MED12: variants seen among roughly 807,000 people sequenced by gnomAD.
The protein encoded by MED12 is mediator of RNA polymerase II transcription subunit 12.
In MED12, 10 loss-of-function variants were observed where a neutral mutation model predicts 177.7. That is an observed-to-expected ratio of 0.06 (90% confidence interval 0.03 to 0.10). MED12 has a LOEUF of 0.10. MED12 is among the 10% of genes least tolerant of loss of function. The pLI, the probability that MED12 is intolerant of heterozygous loss-of-function variation, is 1.00. For missense variants in MED12, 867 were observed against 1,780.8 expected, an observed-to-expected ratio of 0.49 and a Z score of 9.23; for synonymous variants, 641 against 678.4, an observed-to-expected ratio of 0.94 and a Z score of 0.86.
At chrX:71,123,375 C>T (rs2092294634) in intron 11 of MED12, 149 bp downstream of exon 11, 6 of 880,166 alleles carry the variant, frequency 6.8e-6, no homozygotes, top group South Asian at 4.4e-5. Flanking sequence ...GGCAAAGTTA[C>T]GGACGTGAGG....
chrX:71,122,976 A>G (rs1026013645), intron 10 of MED12, 102 bp downstream of exon 10: 2 of 1,151,268 alleles, frequency 1.7e-6, no homozygotes, highest in African/African-American at 3.6e-5. Flanking sequence ...GCATATCTGC[A>G]GAAATGATCT....
chrX:71,122,461 T>C (rs369016243), intron 8 of MED12, 47 bp from the exon 9 acceptor site: 16 of 1,188,539 alleles, frequency 1.3e-5, no homozygotes, highest in East Asian at 8.9e-5. Context: ...CTCTGGCCTT[T>C]TATATGCCTT....
intron 41 of MED12, among the ~76,000 whole-genome samples, chrX:71,138,877 A>C (rs1024230746): frequency 2.7e-5 from 3 of 111,966 alleles, no homozygotes; most frequent in African/African-American, 9.7e-5. Flanking sequence ...CAGGATGGAC[A>C]AATGAATGAA....
In MED12 at chrX:71,130,188, C is replaced by T. The variant is rs777250096; in HGVS notation, c.4021C>T (p.Arg1341Trp). 24 of 1,207,320 alleles carry T rather than the reference C, an allele frequency of 2.0e-5. No homozygotes were observed. Among genetic ancestry groups the T allele is most frequent in the South Asian group, 7.1e-5 (4 of 56,202 alleles). Reference protein sequence around the residue: ...LDNEDGENPQRQRIKRILQNL... With the variant: ...LDNEDGENPQWQRIKRILQNL... ...CAATGAGGATGGGGAAAACCCCCAG[C>T]GGCAGCGCATAAAGCGCATTCTCCA... Residue 1341 changes from arginine to tryptophan, a missense_variant, in exon 28 of 45, where the codon CGG (arginine) becomes TGG (tryptophan). Physicochemically the swap from Arg to Trp is moderately radical, Grantham distance 101. This residue lies in a region of MED12 where 46 missense variants were observed against 71.7 expected (regional missense o/e 0.64). Coordinates refer to ENST00000374080, the MANE Select transcript of MED12 (RefSeq NM_005120.3).
Position 71,128,333 on chromosome X carries a change from G to T in MED12, c.3247G>T (p.Gly1083Cys). ...DIAILCAELT[G>C]YCKSLSAEWL... Reference sequence around the variant, plus strand: ...CGCAATCCTGTGTGCAGAGCTGACCGGCTATTGCAAGTCACTGAGTGCAGA... The same window carrying T: ...CGCAATCCTGTGTGCAGAGCTGACCTGCTATTGCAAGTCACTGAGTGCAGA... The change falls in exon 23 of 45, where the codon GGC (glycine) becomes TGC (cysteine). Residue 1083 changes from glycine (G) to cysteine (C), a missense_variant. Coordinates refer to ENST00000374080, the MANE Select transcript of MED12 (RefSeq NM_005120.3). 1 of 1,211,771 alleles carries T rather than the reference G, an allele frequency of 8.3e-7. No homozygotes were observed. The highest frequency in any genetic ancestry group is 2.2e-5 in the Admixed American group (1 of 46,073).
chrX:71,134,687 G>T lies in MED12; in HGVS notation c.4728-26G>T, dbSNP rs774104225. On this transcript the variant is annotated intron_variant, in intron 34 of 44. Transcript: ENST00000374080. ...TCTATCTTCACCTCTTTCTTCTTTG[G>T]TTTTCTCTCTGGCTTCCTGTCTCAG... 4.1e-6 allele frequency: 5 copies of T among 1,210,019 alleles called. No homozygotes were observed. In the East Asian group the frequency reaches 1.5e-4, roughly 36 times the overall value.
At chrX:71,122,075 A>G (rs2092290891) in intron 7 of MED12, 125 bp from the exon 8 acceptor site, 1 of 950,781 alleles carries the variant, frequency 1.1e-6, no homozygotes, top group African/African-American at 1.9e-5. Context: ...GGGTGGAGTG[A>G]TGCCTGTCTT....
rs773540568 is a variant in MED12 at position 71,136,920 on chromosome X, G to C, written c.5442G>C (p.Val1814=). The change falls in exon 38 of 45, where the codon GTG becomes GTC. Residue 1814 remains valine (V), a synonymous_variant. Coordinates refer to ENST00000374080, the MANE Select transcript of MED12 (RefSeq NM_005120.3). Reference sequence around the variant, plus strand: ...CGGGTCGGAGCGGCCCTTATGGTGTGACAGTGCCTCCGGACCTCCTGCACC... The same window carrying C: ...CGGGTCGGAGCGGCCCTTATGGTGTCACAGTGCCTCCGGACCTCCTGCACC... The part of the protein sequence containing the change: ...MGPGRSGPYG[V]TVPPDLLHHP... The C allele has an allele frequency of 7.3e-5, 88 of 1,208,462 alleles. No individual in the cohort carries two copies. Among genetic ancestry groups the C allele is most frequent in the Non-Finnish European group, 9.5e-5 (85 of 894,951 alleles).
Position 71,121,754 on chromosome X carries a change from A to G in MED12, c.1039A>G (p.Ser347Gly), listed in dbSNP as rs752300879. 2.0e-4 allele frequency: 243 copies of G among 1,209,512 alleles called. No homozygotes were observed. The highest frequency in any genetic ancestry group is 2.7e-4 in the Non-Finnish European group (239 of 895,026). The stretch of plus-strand genomic sequence containing the variant: ...TAGCAGCACACCCTCGACTCCCTTT[A>G]GTGACCTGCTTATGTGCCCTCAGCA... Reference protein sequence around the residue: ...PTSSTPSTPFSDLLMCPQHRP... With the variant: ...PTSSTPSTPFGDLLMCPQHRP... Residue 347 changes from serine (S) to glycine (G), a missense_variant, in exon 7 of 45, where the codon AGT becomes GGT. This residue lies in a region of MED12 where 309 missense variants were observed against 556.3 expected (regional missense o/e 0.56). Transcript: ENST00000374080.
chrX:71,132,808 C>G lies in MED12; in HGVS notation c.4416-37C>G, dbSNP rs368999553. Reference sequence around the variant, plus strand: ...CTCTTCTCTTCTCTTCTCTTCTCTTCTCTTCTCTTCTCTTCTCTTCTTTCT... The same window carrying G: ...CTCTTCTCTTCTCTTCTCTTCTCTTGTCTTCTCTTCTCTTCTCTTCTTTCT... On this transcript the variant is annotated intron_variant, in intron 31 of 44. Transcript: ENST00000374080. 1.9e-3 allele frequency: 1,128 copies of G among 609,079 alleles called. No individual in the cohort carries two copies. Among genetic ancestry groups the G allele is most frequent in the Non-Finnish European group, 2.7e-3 (1,061 of 399,261 alleles). The allele number at this position is 609,079 out of a possible 1,213,427, so 50.2% of individuals were successfully genotyped here.
chrX:71,126,118 C>G lies in MED12; in HGVS notation c.2505C>G (p.His835Gln). Residue 835 changes from histidine (H) to glutamine (Q), a missense_variant, in exon 18 of 45, where the codon CAC (histidine) becomes CAG (glutamine). Physicochemically the swap from His to Gln is conservative, Grantham distance 24. Around this residue, in one of 14 missense-constraint regions of MED12, gnomAD observed 309 missense variants for 556.3 expected, o/e 0.56. Transcript: ENST00000374080. ...TAEDIFAKFQ[H>Q]LSHYDQHQVT... ...AAGATATCTTTGCTAAGTTCCAGCA[C>G]CTTTCACATTATGACCAACACCAGG... is the stretch of plus-strand genomic sequence containing the variant. 2 of 1,211,123 alleles carry G rather than the reference C, an allele frequency of 1.7e-6. No homozygotes were observed. The highest frequency in any genetic ancestry group is 2.2e-6 in the Non-Finnish European group (2 of 894,683).
chrX:71,141,514 C>T (rs1242889499), intron 43 of MED12, 144 bp downstream of exon 43: 18 of 820,211 alleles, frequency 2.2e-5, no homozygotes, highest in Middle Eastern at 4.2e-4. Context: ...GGAGGCCAGG[C>T]GCAGTGGCTC....
At chrX:71,131,472 C>T in intron 28 of MED12, 78 bp from the exon 29 acceptor site, 1 of 975,642 alleles carries the variant, frequency 1.0e-6, no homozygotes, top group Non-Finnish European at 1.5e-6. Flanking sequence ...TGCAGGAGAT[C>T]AGGAATTGGC....
At chrX:71,138,458 C>T (rs1322691306) in intron 41 of MED12, among the ~76,000 whole-genome samples, 1 of 111,095 alleles carries the variant, frequency 9.0e-6, no homozygotes, top group African/African-American at 3.3e-5. Flanking sequence ...TCCCAAGTAG[C>T]TAGAACTACA....
At chrX:71,131,666 T>C in intron 29 of MED12, 45 bp downstream of exon 29, 1 of 1,162,691 alleles carries the variant, frequency 8.6e-7, no homozygotes, top group East Asian at 3.0e-5. Flanking sequence ...CACGTTCAGC[T>C]CCATGTGTCA....
intron 28 of MED12, 32 bp downstream of exon 28, chrX:71,130,246 G>A (rs2147809036): frequency 3.4e-6 from 4 of 1,174,404 alleles, no homozygotes; most frequent in Non-Finnish European, 3.5e-6. Flanking sequence ...TGTGGAGGAA[G>A]CAGTGGGCCC....
At position 71,129,380 on chromosome X, in the gene MED12, C is replaced by T. The variant is rs2147805884; in HGVS notation, c.3642C>T (p.Arg1214=). ...ACCTGCTGGCTGCCTCCCAGAACCGCATCGTGGATGGAGCCGTGTTTGCTG... is the reference window on the plus strand; with the variant it reads ...ACCTGCTGGCTGCCTCCCAGAACCGTATCGTGGATGGAGCCGTGTTTGCTG... The part of the protein sequence containing the change: ...DRHLLAASQN[R]IVDGAVFAVL... The change falls in exon 26 of 45, where the codon CGC becomes CGT. Residue 1214 remains arginine (R), a synonymous_variant. Coordinates refer to ENST00000374080, the MANE Select transcript of MED12 (RefSeq NM_005120.3). 8.3e-7 allele frequency: 1 copy of T among 1,210,259 alleles called. No individual in the cohort carries two copies. The highest frequency in any genetic ancestry group is 1.1e-6 in the Non-Finnish European group (1 of 894,028).
rs370195616 is a variant in MED12 at position 71,125,140 on chromosome X, C to T, written c.2220C>T (p.Ile740=). The T allele has an allele frequency of 4.1e-5, 50 of 1,208,270 alleles. No individual in the cohort carries two copies. The highest frequency in any genetic ancestry group is 5.1e-5 in the Non-Finnish European group (46 of 894,484). Residue 740 remains isoleucine (I), a synonymous_variant, in exon 15 of 45, where the codon ATC becomes ATT. Transcript: ENST00000374080. ...RHVQYATHFP[I]PQEESCSHEC... ...TGCAGTACGCCACCCATTTTCCCAT[C>T]CCCCAGGTACTATTCCCCAGCACCT...
chrX:71,126,149 G>T lies in MED12; in HGVS notation c.2536G>T (p.Ala846Ser). 1 of 1,200,357 alleles carries T rather than the reference G, an allele frequency of 8.3e-7. No homozygotes were observed. Among genetic ancestry groups the T allele is most frequent in the South Asian group, 1.8e-5 (1 of 56,733 alleles). Residue 846 changes from alanine to serine, a missense_variant, in exon 18 of 45, where the codon GCT (alanine) becomes TCT (serine). Physicochemically the swap from Ala to Ser is moderately conservative, Grantham distance 99. Around this residue, in one of 14 missense-constraint regions of MED12, gnomAD observed 309 missense variants for 556.3 expected, o/e 0.56. Coordinates refer to ENST00000374080, the MANE Select transcript of MED12 (RefSeq NM_005120.3). ...ACATTATGACCAACACCAGGTCACGGCTCAGGTGTGGGCCTAAGCCCAGCC... is the reference window on the plus strand; with the variant it reads ...ACATTATGACCAACACCAGGTCACGTCTCAGGTGTGGGCCTAAGCCCAGCC... ...LSHYDQHQVT[A>S]QVSRNVLEQI...
Sources: gnomAD v4.1 joint callset for allele counts (sites outside exome capture counted in the v4.1 genomes callset) on GRCh38, gnomAD v4.1.1 for gene constraint, gnomAD v4.1.1 regional missense constraint, MANE v1.5 for transcripts, NCBI Gene and HGNC (gene_info 2026-07-23, HGNC 2026-07-21) for gene names.